SUMF1: variants seen among roughly 807,000 people sequenced by gnomAD.
The protein encoded by SUMF1 is formylglycine-generating enzyme.
Under a neutral mutation model 47.6 loss-of-function variants are expected in SUMF1, and 48 were observed. The observed-to-expected ratio is 1.01, with a 90% CI of 0.80 to 1.28. The LOEUF is 1.28. Among genes scored for constraint, SUMF1 ranks in the 50% most tolerant of loss-of-function variants. The pLI is 0.00. For synonymous variants in SUMF1, 230 were observed against 192.1 expected, an observed-to-expected ratio of 1.20 and a Z score of -1.63; for missense variants, 571 against 485.4, an observed-to-expected ratio of 1.18 and a Z score of -1.66.
intron 8 of SUMF1, among the ~76,000 whole-genome samples, chr3:4,225,374 C>G (rs1696151781): frequency 1.3e-5 from 2 of 152,100 alleles, no homozygotes; most frequent in South Asian, 4.1e-4. Context: ...TTTGAGCAAG[C>G]AAGTTCCACT....
rs561048794 is a variant in SUMF1 at position 4,251,230 on chromosome 3, G to A, written c.1014+125100C>T. On this transcript the variant is annotated intron_variant and NMD_transcript_variant, in intron 8 of 12. Coordinates refer to the SUMF1 transcript ENST00000448413. ...GAAGTCCAAGACTTCAGTGGAGGAA[G>A]TAACTGCCTATGTGGTAGAAATAGC... Among the ~76,000 whole-genome samples, 10 of 152,322 alleles carry A rather than the reference G, an allele frequency of 6.6e-5. No homozygotes were observed. In the East Asian group the frequency reaches 1.2e-3, roughly 18 times the overall value.
chr3:4,424,650 A>T (rs1225695838), intron 3 of SUMF1, among the ~76,000 whole-genome samples: 1 of 152,224 alleles, frequency 6.6e-6, no homozygotes, highest in Non-Finnish European at 1.5e-5. Context: ...GGAATACTAT[A>T]CGGCTAGTTA....
In SUMF1 at chr3:4,227,962, TA is replaced by T. The variant is rs201368279; in HGVS notation, c.1014+148367del. ...AAGAAGTAATACTTAGGTTAAGACC[TA>T]AAGAATGAGTTGGAGTAGCCATAGG... On this transcript the variant is annotated intron_variant and NMD_transcript_variant, in intron 8 of 12. Coordinates refer to the SUMF1 transcript ENST00000448413. Among the ~76,000 whole-genome samples the T allele has an allele frequency of 1.6e-4, 25 of 152,228 alleles. No homozygotes were observed. In the East Asian group the frequency reaches 4.6e-3, roughly 28 times the overall value.
intron 8 of SUMF1, among the ~76,000 whole-genome samples, chr3:4,368,702 T>G (rs11920667): frequency 1.3e-5 from 2 of 152,114 alleles, no homozygotes; most frequent in African/African-American, 4.8e-5. Flanking sequence ...CTGCATGCAC[T>G]TGTACACTTG....
chr3:4,303,248 C>A, intron 8 of SUMF1: 2 of 1,104,094 alleles, frequency 1.8e-6, no homozygotes, highest in South Asian at 1.9e-5. Flanking sequence ...GCCTTCCAGG[C>A]CACTCCTGAG....
At chr3:4,213,830 TA>T (rs1205726382) in intron 8 of SUMF1, among the ~76,000 whole-genome samples, 6 of 151,980 alleles carry the variant, frequency 3.9e-5, no homozygotes, top group Non-Finnish European at 5.9e-5. Context: ...TACATAATGG[TA>T]AAAGGATCAA....
chr3:4,268,499 C>CTTTTTTT (rs61066874), intron 8 of SUMF1, among the ~76,000 whole-genome samples: 1 of 117,312 alleles, frequency 8.5e-6, no homozygotes, highest in African/African-American at 3.1e-5. Context: ...AAATGTTTTT[C>CTTTTTTT]TTTTTTTTTT....
intron 8 of SUMF1, chr3:4,316,472 A>T: frequency 1.9e-6 from 3 of 1,604,540 alleles, no homozygotes; most frequent in Non-Finnish European, 1.7e-6. Context: ...ATCCCCTTAC[A>T]ACTACACGAG....
chr3:4,452,867 T>A lies in SUMF1; in HGVS notation c.444+9A>T. ...AACAAGTTCTCCCTCCTTTCCCCAA[T>A]CCCATTACCTCTGTCAAATAGCCAG... On this transcript the variant is annotated intron_variant, in intron 2 of 8. Coordinates refer to ENST00000272902, the MANE Select transcript of SUMF1 (RefSeq NM_182760.4). 6.2e-7 allele frequency: 1 copy of A among 1,614,130 alleles called. No individual in the cohort carries two copies.
At chr3:4,063,275 A>G (rs1301336368) in intron 9 of SUMF1, among the ~76,000 whole-genome samples, 1 of 152,016 alleles carries the variant, frequency 6.6e-6, no homozygotes, top group African/African-American at 2.4e-5. Context: ...GACCACTATA[A>G]CTGAACACAG....
At chr3:4,420,218 G>T in intron 3 of SUMF1, 72 bp from the exon 4 acceptor site, 1 of 1,209,110 alleles carries the variant, frequency 8.3e-7, no homozygotes, top group Non-Finnish European at 1.2e-6. Context: ...CTCAGTACAT[G>T]CAGCAAAAAT....
chr3:4,282,227 AT>A (rs1192909436), intron 8 of SUMF1, among the ~76,000 whole-genome samples: 2 of 152,126 alleles, frequency 1.3e-5, no homozygotes, highest in Non-Finnish European at 2.9e-5. Flanking sequence ...CATAAAATCA[AT>A]GTACTTATCC....
intron 8 of SUMF1, among the ~76,000 whole-genome samples, chr3:4,197,320 G>GCA (rs1695450343): frequency 6.6e-6 from 1 of 152,038 alleles, no homozygotes; most frequent in South Asian, 2.1e-4. Flanking sequence ...TCACCGTGTT[G>GCA]CCCAGTATGG....
intron 8 of SUMF1, among the ~76,000 whole-genome samples, chr3:4,154,518 ATC>A (rs1461873608): frequency 6.6e-6 from 1 of 151,680 alleles, no homozygotes; most frequent in Non-Finnish European, 1.5e-5. Flanking sequence ...GGGGACTATT[ATC>A]TCTGTTTTAT....
chr3:4,251,222 T>A (rs902614554), intron 8 of SUMF1, among the ~76,000 whole-genome samples: 1 of 152,170 alleles, frequency 6.6e-6, no homozygotes, highest in Admixed American at 6.5e-5. Flanking sequence ...AAGACTTCAG[T>A]GGAGGAAGTA....
chr3:4,346,357 A>G (rs369610481), intron 8 of SUMF1, among the ~76,000 whole-genome samples: 54 of 152,304 alleles, frequency 3.5e-4, no homozygotes, highest in African/African-American at 1.3e-3. Flanking sequence ...TCAAACTAGA[A>G]CTCAGGATTA....
At chr3:4,100,301 A>G (rs1693004026) in intron 8 of SUMF1, among the ~76,000 whole-genome samples, 1 of 151,950 alleles carries the variant, frequency 6.6e-6, no homozygotes, top group Non-Finnish European at 1.5e-5. Context: ...ATTCCAAAGC[A>G]ATAATAATCA....
At chr3:4,281,099 T>A (rs1363311626) in intron 8 of SUMF1, among the ~76,000 whole-genome samples, 2 of 152,082 alleles carry the variant, frequency 1.3e-5, no homozygotes, top group Non-Finnish European at 2.9e-5. Flanking sequence ...AAGCAGGGAC[T>A]GGGACTTCTG....
intron 7 of SUMF1, among the ~76,000 whole-genome samples, chr3:4,394,796 G>A (rs1700989254): frequency 6.6e-6 from 1 of 151,956 alleles, no homozygotes; most frequent in Non-Finnish European, 1.5e-5. Flanking sequence ...CTGGGTCCTG[G>A]GCAGGTCTGT....
Sources: gnomAD v4.1 joint callset for allele counts (sites outside exome capture counted in the v4.1 genomes callset) on GRCh38, gnomAD v4.1.1 for gene constraint, MANE v1.5 for transcripts, NCBI Gene and HGNC (gene_info 2026-07-23, HGNC 2026-07-21) for gene names.